DIAPH3: variants seen among roughly 807,000 people sequenced by gnomAD.
DIAPH3 encodes protein diaphanous homolog 3.
A neutral mutation model predicts 144.3 loss-of-function variants in DIAPH3; 117 were observed. The observed-to-expected ratio is 0.81, with a 90% CI of 0.70 to 0.95. The LOEUF (loss-of-function observed/expected upper bound fraction) is 0.95, where lower values mean the gene tolerates loss of function less well. Ranked by LOEUF, DIAPH3 falls within the 40% of genes least tolerant of loss-of-function variation. The probability of loss-of-function intolerance (pLI) is 0.00; values close to 1 mark genes in which losing one functional copy is unlikely to be tolerated. For synonymous variants in DIAPH3, 519 were observed against 488.9 expected (o/e 1.06, Z -0.81); for missense variants, 1,421 against 1,412.7 (o/e 1.01, Z -0.09).
At chr13:59,946,122 A>G (rs1438825063) in intron 17 of DIAPH3, among the ~76,000 whole-genome samples, 1 of 152,146 alleles carries the variant, frequency 6.6e-6, no homozygotes, top group Non-Finnish European at 1.5e-5. Context: ...TTCCATACTT[A>G]GCGCTCAGAT....
intron 13 of DIAPH3, among the ~76,000 whole-genome samples, chr13:59,982,381 C>T (rs574425690): frequency 2.0e-4 from 31 of 151,340 alleles, no homozygotes; most frequent in Non-Finnish European, 3.6e-4. Context: ...TGCATATTTA[C>T]AGCACCATTT....
intron 27 of DIAPH3, among the ~76,000 whole-genome samples, chr13:59,736,530 C>T (rs550248419): frequency 1.2e-4 from 19 of 152,122 alleles, no homozygotes; most frequent in African/African-American, 4.3e-4. Context: ...CTTACATGTT[C>T]GTTGGCTGCA....
At chr13:59,783,015 A>T (rs553512636) in intron 25 of DIAPH3, among the ~76,000 whole-genome samples, 1 of 152,314 alleles carries the variant, frequency 6.6e-6, no homozygotes, top group African/African-American at 2.4e-5. Context: ...TTAGACTTTA[A>T]AGGAGCCATG....
At chr13:59,847,391 A>C (rs2042704421) in intron 22 of DIAPH3, among the ~76,000 whole-genome samples, 1 of 152,182 alleles carries the variant, frequency 6.6e-6, no homozygotes, top group Non-Finnish European at 1.5e-5. Flanking sequence ...AAAGGCCCCC[A>C]GTCAATTCTG....
At chr13:59,989,991 G>A (rs533620037) in intron 12 of DIAPH3, among the ~76,000 whole-genome samples, 10 of 151,946 alleles carry the variant, frequency 6.6e-5, no homozygotes, top group African/African-American at 2.2e-4. Flanking sequence ...TCATTTTTAA[G>A]TAAATTTGGA....
chr13:60,100,206 C>T (rs1052499976), intron 3 of DIAPH3, among the ~76,000 whole-genome samples: 1 of 151,998 alleles, frequency 6.6e-6, no homozygotes, highest in African/African-American at 2.4e-5. Flanking sequence ...AGGCTAACAC[C>T]ACAAATAATA....
intron 7 of DIAPH3, among the ~76,000 whole-genome samples, chr13:60,011,285 C>A (rs1164493214): frequency 1.3e-5 from 2 of 152,004 alleles, no homozygotes; most frequent in Non-Finnish European, 2.9e-5. Context: ...GATTTGCCAA[C>A]AGAAGCATAT....
At chr13:59,721,140 T>C (rs1421318906) in intron 27 of DIAPH3, among the ~76,000 whole-genome samples, 1 of 152,218 alleles carries the variant, frequency 6.6e-6, no homozygotes, top group Non-Finnish European at 1.5e-5. Context: ...TTTACATATA[T>C]AACACATATT....
intron 20 of DIAPH3, among the ~76,000 whole-genome samples, chr13:59,884,219 C>T (rs1465308971): frequency 1.3e-5 from 2 of 152,124 alleles, no homozygotes; most frequent in Admixed American, 1.3e-4. Context: ...AATCTAATGC[C>T]TGGATGATCT....
At chr13:59,688,521 T>C (rs2033333424) in intron 27 of DIAPH3, among the ~76,000 whole-genome samples, 1 of 152,002 alleles carries the variant, frequency 6.6e-6, no homozygotes, top group African/African-American at 2.4e-5. Context: ...GACACAGAGC[T>C]AGGAACCACC....
intron 4 of DIAPH3, among the ~76,000 whole-genome samples, chr13:60,081,693 G>A (rs906929205): frequency 1.3e-5 from 2 of 151,944 alleles, no homozygotes; most frequent in African/African-American, 2.4e-5. Context: ...CCACAAATCC[G>A]CACAGTAGCA....
Position 59,983,831 on chromosome 13 carries a change from T to A in DIAPH3, c.1418A>T (p.Asp473Val). 1 of 1,610,430 alleles carries A rather than the reference T, an allele frequency of 6.2e-7. No homozygotes were observed. The highest frequency in any genetic ancestry group is 8.5e-7 in the Non-Finnish European group (1 of 1,177,574). The change falls in exon 13 of 28, where the codon GAT becomes GTT. Residue 473 changes from aspartate (D) to valine (V), a missense_variant. Transcript: ENST00000400324. ...ECVSQIVLHR[D>V]GMDPDFTYRK... ...ATATGTGAAGTCTGGATCCATTCCA[T>A]CTCTATGCAATACAATCTGGGATAC...
At chr13:59,946,988 T>G (rs1320499478) in intron 17 of DIAPH3, among the ~76,000 whole-genome samples, 1 of 152,202 alleles carries the variant, frequency 6.6e-6, no homozygotes, top group Admixed American at 6.5e-5. Flanking sequence ...AATCAAGAAC[T>G]GTCAATCAGC....
intron 27 of DIAPH3, among the ~76,000 whole-genome samples, chr13:59,760,917 C>G (rs1248708602): frequency 2.6e-5 from 4 of 152,150 alleles, no homozygotes; most frequent in African/African-American, 9.6e-5. Flanking sequence ...AGCATGATTA[C>G]TTAAATGATC....
intron 20 of DIAPH3, among the ~76,000 whole-genome samples, chr13:59,906,924 C>T (rs2046771741): frequency 6.6e-6 from 1 of 152,104 alleles, no homozygotes. Flanking sequence ...TACCTAATAG[C>T]TTATTGATCA....
chr13:59,878,245 A>G (rs2044758143), intron 21 of DIAPH3, among the ~76,000 whole-genome samples: 1 of 152,146 alleles, frequency 6.6e-6, no homozygotes. Flanking sequence ...CACCAAATAC[A>G]GCTGCCTAAG....
intron 17 of DIAPH3, among the ~76,000 whole-genome samples, chr13:59,934,145 C>A (rs1015884978): frequency 3.3e-5 from 5 of 152,206 alleles, no homozygotes; most frequent in South Asian, 2.1e-4. Context: ...AACCAGTTTT[C>A]TCTTTCTATA....
chr13:59,672,389 C>G (rs1688623816), intron 27 of DIAPH3, among the ~76,000 whole-genome samples: 1 of 151,900 alleles, frequency 6.6e-6, no homozygotes, highest in Non-Finnish European at 1.5e-5. Context: ...GAATGTAGAA[C>G]TCTGGTGTCC....
At chr13:59,734,509 C>T (rs2036042133) in intron 27 of DIAPH3, among the ~76,000 whole-genome samples, 1 of 152,166 alleles carries the variant, frequency 6.6e-6, no homozygotes, top group Admixed American at 6.6e-5. Context: ...AGTCATGTCA[C>T]TTCCTCTTCA....
Sources: allele counts gnomAD v4.1 joint callset (sites outside exome capture counted in the v4.1 genomes callset), GRCh38; gene constraint gnomAD v4.1.1; transcripts MANE v1.5; gene names NCBI Gene and HGNC (gene_info 2026-07-23, HGNC 2026-07-21).